CSMD3: variants seen among roughly 807,000 people sequenced by gnomAD.
CSMD3 encodes CUB and sushi domain-containing protein 3.
A neutral mutation model predicts 435.2 loss-of-function variants in CSMD3; 177 were observed. The ratio of observed to expected loss-of-function variants is 0.41; its 90% CI spans 0.36 to 0.46. The LOEUF (loss-of-function observed/expected upper bound fraction) is 0.46. Ranked by LOEUF, CSMD3 falls within the 20% of genes least tolerant of loss-of-function variation. The probability of loss-of-function intolerance (pLI) is 0.34; values close to 1 mark genes in which losing one functional copy is unlikely to be tolerated. For synonymous variants in CSMD3, 1,656 were observed against 1,520.5 expected, an observed-to-expected ratio of 1.09 and a Z score of -2.07; for missense variants, 4,265 against 4,504.6, an observed-to-expected ratio of 0.95 and a Z score of 1.52.
At chr8:112,297,042 A>G (rs1246953777) in intron 53 of CSMD3, among the ~76,000 whole-genome samples, 1 of 151,574 alleles carries the variant, frequency 6.6e-6, no homozygotes, top group Non-Finnish European at 1.5e-5. Context: ...CACAAGGTAA[A>G]AATATAAAAA....
chr8:113,331,531 T>C (rs1180065467), intron 1 of CSMD3, among the ~76,000 whole-genome samples: 1 of 151,658 alleles, frequency 6.6e-6, no homozygotes, highest in Non-Finnish European at 1.5e-5. Context: ...AAAATATCCT[T>C]GATGAAATAC....
intron 13 of CSMD3, among the ~76,000 whole-genome samples, chr8:112,733,465 ACT>A (rs1286103125): frequency 6.6e-6 from 1 of 151,974 alleles, no homozygotes; most frequent in African/African-American, 2.4e-5. Flanking sequence ...TAATTAGGAA[ACT>A]CAGTATTTAT....
At chr8:112,632,359 C>A (rs933975894) in intron 22 of CSMD3, among the ~76,000 whole-genome samples, 1 of 151,814 alleles carries the variant, frequency 6.6e-6, no homozygotes, top group African/African-American at 2.4e-5. Context: ...ATGATTAAGG[C>A]AAGATGTTGT....
chr8:113,340,082 T>C (rs1410382143), intron 1 of CSMD3, among the ~76,000 whole-genome samples: 2 of 152,088 alleles, frequency 1.3e-5, no homozygotes, highest in Non-Finnish European at 2.9e-5. Context: ...TAACTATTTA[T>C]ATATGTGTTA....
chr8:112,975,330 C>A (rs1457623733), intron 7 of CSMD3, among the ~76,000 whole-genome samples: 2 of 152,074 alleles, frequency 1.3e-5, no homozygotes, highest in Non-Finnish European at 2.9e-5. Context: ...GTAAAACGAT[C>A]ACCAGATATA....
intron 4 of CSMD3, among the ~76,000 whole-genome samples, chr8:113,105,203 T>C (rs2090438901): frequency 1.3e-5 from 2 of 151,934 alleles, no homozygotes; most frequent in Non-Finnish European, 2.9e-5. Flanking sequence ...AAAATATATA[T>C]AATAACTGTT....
At chr8:113,153,980 G>T (rs546055328) in intron 4 of CSMD3, among the ~76,000 whole-genome samples, 10 of 152,062 alleles carry the variant, frequency 6.6e-5, no homozygotes, top group African/African-American at 2.2e-4. Context: ...TTCTGAAATA[G>T]ATATCAATTT....
chr8:113,202,792 T>C (rs1475854414), intron 3 of CSMD3, among the ~76,000 whole-genome samples: 1 of 152,136 alleles, frequency 6.6e-6, no homozygotes, highest in South Asian at 2.1e-4. Flanking sequence ...TCTGTAGGTA[T>C]AGACTTTATA....
At chr8:112,503,714 G>A (rs1013536948) in intron 30 of CSMD3, 76 bp downstream of exon 30, 1 of 1,008,216 alleles carries the variant, frequency 9.9e-7, no homozygotes, top group Non-Finnish European at 1.5e-6. Context: ...CTAACAATGG[G>A]CCATACCAAA....
intron 59 of CSMD3, among the ~76,000 whole-genome samples, chr8:112,271,069 A>G (rs986240110): frequency 6.6e-6 from 1 of 152,060 alleles, no homozygotes; most frequent in African/African-American, 2.4e-5. Context: ...TCATAAATCT[A>G]CTAGATCCTC....
intron 12 of CSMD3, among the ~76,000 whole-genome samples, chr8:112,824,156 T>A (rs1269432852): frequency 6.6e-6 from 1 of 152,162 alleles, no homozygotes; most frequent in Non-Finnish European, 1.5e-5. Context: ...CTGCTTTTTT[T>A]TTGCTTTCCA....
intron 5 of CSMD3, among the ~76,000 whole-genome samples, chr8:113,073,746 A>C (rs2131416497): frequency 6.6e-6 from 1 of 151,822 alleles, no homozygotes; most frequent in Admixed American, 6.6e-5. Context: ...TAATGACAAT[A>C]GTTTAACATA....
intron 10 of CSMD3, among the ~76,000 whole-genome samples, chr8:112,906,761 A>T (rs2130495122): frequency 6.6e-6 from 1 of 151,602 alleles, no homozygotes; most frequent in African/African-American, 2.4e-5. Context: ...AAAGTTTTCC[A>T]CTGCTCCTCA....
chr8:113,194,288 C>T (rs1270281101), intron 3 of CSMD3, among the ~76,000 whole-genome samples: 1 of 151,090 alleles, frequency 6.6e-6, no homozygotes, highest in Non-Finnish European at 1.5e-5. Context: ...ATGTAGTTGT[C>T]AGTAATACCA....
intron 13 of CSMD3, among the ~76,000 whole-genome samples, chr8:112,745,111 A>C (rs1317926025): frequency 6.6e-6 from 1 of 152,108 alleles, no homozygotes; most frequent in Non-Finnish European, 1.5e-5. Flanking sequence ...AAACTGGTGA[A>C]TTGTAAATTG....
intron 10 of CSMD3, among the ~76,000 whole-genome samples, chr8:112,872,150 A>G (rs576530366): frequency 1.3e-5 from 2 of 152,194 alleles, no homozygotes; most frequent in East Asian, 3.9e-4. Context: ...GGTGAATGAT[A>G]AAACCTATTT....
At chr8:112,637,079 G>T (rs1486103925) in intron 21 of CSMD3, 74 bp from the exon 22 acceptor site, 2 of 1,185,640 alleles carry the variant, frequency 1.7e-6, no homozygotes, top group African/African-American at 1.5e-5. Context: ...ACTTTTAAAG[G>T]TATATTCCTA....
intron 13 of CSMD3, among the ~76,000 whole-genome samples, chr8:112,741,940 G>C (rs2077321646): frequency 6.6e-6 from 1 of 151,880 alleles, no homozygotes; most frequent in Non-Finnish European, 1.5e-5. Flanking sequence ...AACTGTTGAA[G>C]AGTGGTCTTC....
chr8:112,931,043 GTAGAATAAAT>G (rs1490619083), intron 9 of CSMD3, among the ~76,000 whole-genome samples: 5 of 151,950 alleles, frequency 3.3e-5, no homozygotes, highest in African/African-American at 1.2e-4. Context: ...AAAATTTTGA[GTAGAATAAAT>G]TAGGTTACCT....
Sources: allele counts gnomAD v4.1 joint callset (sites outside exome capture counted in the v4.1 genomes callset), GRCh38; gene constraint gnomAD v4.1.1; transcripts MANE v1.5; gene names NCBI Gene and HGNC (gene_info 2026-07-23, HGNC 2026-07-21).